Variants in MLLT3 observed in about 807,000 individuals in gnomAD.
The protein encoded by MLLT3 is protein AF-9.
In MLLT3, 4 loss-of-function variants were observed where a neutral mutation model predicts 53.2. The observed-to-expected ratio is 0.08, with a 90% CI of 0.04 to 0.17. The LOEUF (loss-of-function observed/expected upper bound fraction) is 0.17. MLLT3 is among the 10% of genes least tolerant of loss of function. MLLT3 has a pLI of 1.00. For synonymous variants in MLLT3, 283 were observed against 230.6 expected, an observed-to-expected ratio of 1.23 and a Z score of -2.06; for missense variants, 569 against 684.0, an observed-to-expected ratio of 0.83 and a Z score of 1.87.
Position 20,341,783 on chromosome 9 carries a change from C to G in MLLT3, c.*4660G>C, listed in dbSNP as rs527487241. 5.1e-6 allele frequency: 1 copy of G among 197,804 alleles called. No homozygotes were observed. Among genetic ancestry groups the G allele is most frequent in the African/African-American group, 2.3e-5 (1 of 43,314 alleles). The allele number at this position is 197,804 out of a possible 1,614,324, so 12.3% of individuals were successfully genotyped here. A position where few individuals can be genotyped will look rare whatever the true frequency, so the allele number is the denominator to read the frequency against. On this transcript the variant is annotated 3_prime_UTR_variant, in exon 11 of 11. Transcript: ENST00000380338. Reference sequence around the variant, plus strand: ...AGTAAATGCAGGGACTTTGTAAGATCGACTCTCTCTGGCTATAGCACATTG... The same window carrying G: ...AGTAAATGCAGGGACTTTGTAAGATGGACTCTCTCTGGCTATAGCACATTG...
chr9:20,587,210 C>T (rs1819994421), intron 2 of MLLT3, among the ~76,000 whole-genome samples: 1 of 150,578 alleles, frequency 6.6e-6, no homozygotes, highest in Admixed American at 6.6e-5. Flanking sequence ...AAACAACTTC[C>T]CAATAGGTTC....
intron 2 of MLLT3, among the ~76,000 whole-genome samples, chr9:20,589,806 G>A (rs966430734): frequency 7.9e-5 from 12 of 151,306 alleles, no homozygotes; most frequent in Non-Finnish European, 1.5e-4. Flanking sequence ...TGCCTCCTGA[G>A]TTCCAGTGAT....
intron 5 of MLLT3, 111 bp downstream of exon 5, chr9:20,413,610 T>C: frequency 1.1e-6 from 1 of 894,394 alleles, no homozygotes; most frequent in South Asian, 1.9e-5. Context: ...ACCTCTGTGC[T>C]ACCATTTTAT....
chr9:20,587,885 C>T (rs1316040960), intron 2 of MLLT3, among the ~76,000 whole-genome samples: 1 of 152,064 alleles, frequency 6.6e-6, no homozygotes, highest in Non-Finnish European at 1.5e-5. Flanking sequence ...GTTGACATTG[C>T]TTTTGGTGTT....
chr9:20,598,496 T>C (rs1399698787), intron 2 of MLLT3, among the ~76,000 whole-genome samples: 2 of 152,214 alleles, frequency 1.3e-5, no homozygotes, highest in African/African-American at 4.8e-5. Context: ...ATCCAACCTG[T>C]AAGTTCTCAA....
chr9:20,588,897 A>G (rs987988487), intron 2 of MLLT3, among the ~76,000 whole-genome samples: 8 of 151,810 alleles, frequency 5.3e-5, no homozygotes, highest in Non-Finnish European at 8.8e-5. Flanking sequence ...ACCATCTCAC[A>G]CCAGTTAGAA....
At chr9:20,613,114 A>G (rs1028042199) in intron 2 of MLLT3, among the ~76,000 whole-genome samples, 5 of 152,218 alleles carry the variant, frequency 3.3e-5, no homozygotes, top group Admixed American at 3.3e-4. Context: ...GTGGCTCTTT[A>G]TAGATGAAAT....
intron 2 of MLLT3, among the ~76,000 whole-genome samples, chr9:20,461,895 C>T (rs1033698611): frequency 3.3e-5 from 5 of 152,134 alleles, no homozygotes; most frequent in South Asian, 2.1e-4. Context: ...ACACATCAAA[C>T]TCTCTCTATA....
rs145945727 is a variant in MLLT3 at position 20,591,540 on chromosome 9, G to C, written c.193+29114C>G. On this transcript the variant is annotated intron_variant, in intron 2 of 10. Coordinates refer to ENST00000380338, the MANE Select transcript of MLLT3 (RefSeq NM_004529.4). ...CCTATAAAAAAGGAACTGATTATGA[G>C]TAGTGAACACCAAAGGAATTCCAGA... Among the ~76,000 whole-genome samples the C allele has an allele frequency of 3.6e-3, 548 of 152,288 alleles. 3 individuals carry two copies. Among genetic ancestry groups the C allele is most frequent in the African/African-American group, 0.012 (518 of 41,546 alleles).
At position 20,356,677 on chromosome 9, in the gene MLLT3, T is replaced by C. The variant is rs1367153746; in HGVS notation, c.1432-1798A>G. On this transcript the variant is annotated intron_variant, in intron 8 of 10. Transcript: ENST00000380338. ...CCTCCTCCAACTCCTGTACTCTGGG[T>C]GTTGAAGTGACTTGAGGACGCTGTA... 5.3e-5 allele frequency among the ~76,000 whole-genome samples: 8 copies of C among 152,120 alleles called. No homozygotes were observed. The South Asian group carries it at 1.7e-3, about 32-fold the overall frequency.
intron 3 of MLLT3, among the ~76,000 whole-genome samples, chr9:20,452,438 T>C (rs1823862818): frequency 6.6e-6 from 1 of 152,222 alleles, no homozygotes. Flanking sequence ...TGACTGTAAG[T>C]TTCTTGAGGC....
chr9:20,379,225 G>C (rs1821849869), intron 5 of MLLT3, among the ~76,000 whole-genome samples: 1 of 152,026 alleles, frequency 6.6e-6, no homozygotes, highest in Admixed American at 6.6e-5. Flanking sequence ...GACACCTCTA[G>C]TTCTCACAGC....
intron 2 of MLLT3, among the ~76,000 whole-genome samples, chr9:20,567,558 C>T (rs6475463): frequency 0.68 from 102,768 of 151,808 alleles, 35,008 homozygotes; most frequent in East Asian, 0.85. Context: ...GGCTTATCAT[C>T]ACAGTTCTCC....
intron 10 of MLLT3, among the ~76,000 whole-genome samples, chr9:20,352,781 T>TA (rs568782579): frequency 0.027 from 3,541 of 133,400 alleles, 133 homozygotes; most frequent in African/African-American, 0.086. Flanking sequence ...TTGAAAGTAG[T>TA]AAAAAAAAAA....
intron 2 of MLLT3, among the ~76,000 whole-genome samples, chr9:20,559,085 T>C (rs1266261136): frequency 6.6e-6 from 1 of 152,114 alleles, no homozygotes; most frequent in African/African-American, 2.4e-5. Flanking sequence ...AGCAGGAAAA[T>C]GGGGCTTCAT....
intron 4 of MLLT3, among the ~76,000 whole-genome samples, chr9:20,431,106 T>A (rs1001608061): frequency 6.6e-6 from 1 of 152,146 alleles, no homozygotes; most frequent in African/African-American, 2.4e-5. Flanking sequence ...CATGCTGACA[T>A]GAGACTCTAA....
In MLLT3 at chr9:20,621,756, C is replaced by T; in HGVS notation, c.12+489G>A. On this transcript the variant is annotated intron_variant, in intron 1 of 10. Coordinates refer to ENST00000380338, the MANE Select transcript of MLLT3 (RefSeq NM_004529.4). The surrounding 1 kb of genome is among the most constrained non-coding windows in gnomAD (Gnocchi z 7.0). ...CCGCACACTTCGGCTCACACACGCG[C>T]GCCGCGGAGAACGCACCATCGTAGC... 6.7e-7 allele frequency: 1 copy of T among 1,488,660 alleles called. No individual in the cohort carries two copies. Among genetic ancestry groups the T allele is most frequent in the Non-Finnish European group, 8.9e-7 (1 of 1,127,698 alleles). 92.2% of individuals were successfully genotyped at this position (1,488,660 alleles called of 1,614,324 possible). A position where few individuals can be genotyped will look rare whatever the true frequency, so the allele number is the denominator to read the frequency against.
chr9:20,453,121 G>T (rs1309733870), intron 3 of MLLT3, among the ~76,000 whole-genome samples: 1 of 151,786 alleles, frequency 6.6e-6, no homozygotes, highest in African/African-American at 2.4e-5. Context: ...GACATCCTAA[G>T]AAAACAAAAA....
At chr9:20,598,466 T>A (rs1366775040) in intron 2 of MLLT3, among the ~76,000 whole-genome samples, 1 of 152,240 alleles carries the variant, frequency 6.6e-6, no homozygotes, top group Non-Finnish European at 1.5e-5. Flanking sequence ...ATAAGGCATT[T>A]CCATCCCACC....
Sources: gnomAD v4.1 joint callset for allele counts (sites outside exome capture counted in the v4.1 genomes callset) on GRCh38, gnomAD v4.1.1 for gene constraint, Gnocchi (gnomAD v3.1) non-coding constraint, MANE v1.5 for transcripts, NCBI Gene and HGNC (gene_info 2026-07-23, HGNC 2026-07-21) for gene names.